The following SORCS2 variants were observed in gnomAD, a reference collection of about 807,000 sequenced individuals.
The protein encoded by SORCS2 is sortilin related VPS10 domain containing receptor 2.
In SORCS2, 100 loss-of-function variants were observed where a neutral mutation model predicts 141.6. The ratio of observed to expected loss-of-function variants is 0.71; its 90% confidence interval spans 0.60 to 0.83. SORCS2 has a LOEUF of 0.83. Ranked by LOEUF, SORCS2 falls within the 40% of genes least tolerant of loss-of-function variation. SORCS2 has a pLI of 0.00. For synonymous variants in SORCS2, 789 were observed against 676.9 expected (o/e 1.17, Z -2.57); for missense variants, 1,646 against 1,560.2 (o/e 1.05, Z -0.93).
chr4:7,415,905 A>G (rs4234804), intron 2 of SORCS2, among the ~76,000 whole-genome samples: 127,299 of 152,228 alleles, frequency 0.84, 54,966 homozygotes, highest in East Asian at 0.98. Context: ...GAAGAGGGCA[A>G]TTGGGCATTT....
intron 2 of SORCS2, among the ~76,000 whole-genome samples, chr4:7,525,920 CCCT>C (rs1354376980): frequency 2.9e-5 from 1 of 33,990 alleles, no homozygotes; most frequent in Non-Finnish European, 6.7e-5. Context: ...GTCACCTGTC[CCCT>C]CCTCACACCT....
chr4:7,296,406 C>T (rs1717056611), intron 1 of SORCS2, among the ~76,000 whole-genome samples: 1 of 152,216 alleles, frequency 6.6e-6, no homozygotes, highest in Non-Finnish European at 1.5e-5. Flanking sequence ...AGCTCTGCCT[C>T]CTCTCCGTAG....
chr4:7,437,632 A>G (rs531622367), intron 2 of SORCS2, among the ~76,000 whole-genome samples: 2 of 152,190 alleles, frequency 1.3e-5, no homozygotes, highest in Non-Finnish European at 2.9e-5. Flanking sequence ...GGGGGTCATT[A>G]TGAATAACGA....
At chr4:7,718,350 C>T (rs2285780) in intron 18 of SORCS2, among the ~76,000 whole-genome samples, 167 bp downstream of exon 18, 18,151 of 152,150 alleles carry the variant, frequency 0.12, 1,415 homozygotes, top group African/African-American at 0.22. Flanking sequence ...GCTGGAAATC[C>T]GCTTCCCGAG....
At position 7,718,175 on chromosome 4, in the gene SORCS2, C is replaced by T; in HGVS notation, c.2416C>T (p.Gln806Ter). ...AGAGGACGTCCTGTTTGTGGTGCGG[C>T]AGGAGCAGGTGAGTGAGCACCTCCC... ...PGEDVLFVVR[Q>*]EQGDVLTTKY... Residue 806 changes from glutamine to a stop codon, truncating the protein, a stop_gained, in exon 18 of 27, where the codon CAG (glutamine) becomes TAG (stop). Coordinates refer to ENST00000507866, the MANE Select transcript of SORCS2 (RefSeq NM_020777.3). LOFTEE classifies it high-confidence loss of function. 2 of 1,610,124 alleles carry T rather than the reference C, an allele frequency of 1.2e-6. No individual in the cohort carries two copies. Among genetic ancestry groups the T allele is most frequent in the African/African-American group, 1.3e-5 (1 of 74,956 alleles).
intron 3 of SORCS2, among the ~76,000 whole-genome samples, chr4:7,612,121 G>A (rs1234924715): frequency 6.6e-6 from 1 of 152,292 alleles, no homozygotes; most frequent in East Asian, 1.9e-4. Context: ...GCTGGAGGCT[G>A]ACGGGCCGAG....
intron 3 of SORCS2, among the ~76,000 whole-genome samples, chr4:7,533,757 T>C (rs1711860300): frequency 6.6e-6 from 1 of 152,216 alleles, no homozygotes; most frequent in South Asian, 2.1e-4. Context: ...CAGACAGAGC[T>C]GCTTCTGCAT....
At chr4:7,195,393 C>G (rs1321706870) in intron 1 of SORCS2, among the ~76,000 whole-genome samples, 1 of 152,132 alleles carries the variant, frequency 6.6e-6, no homozygotes, top group Non-Finnish European at 1.5e-5. Flanking sequence ...CCAGGACACC[C>G]TCATTGTGAG....
At chr4:7,373,476 ATATTTTTTTTTTT>A (rs1345780009) in intron 1 of SORCS2, among the ~76,000 whole-genome samples, 1 of 44,590 alleles carries the variant, frequency 2.2e-5, no homozygotes, top group African/African-American at 1.5e-4. Context: ...ATATATATAT[ATATTTTTTTTTTT>A]TTTTTTTTTT....
At chr4:7,380,482 CAAG>C (rs1301123540) in intron 1 of SORCS2, among the ~76,000 whole-genome samples, 1 of 136,450 alleles carries the variant, frequency 7.3e-6, no homozygotes, top group Non-Finnish European at 1.6e-5. Context: ...AATTCAAATT[CAAG>C]AGAAACTGAG....
intron 7 of SORCS2, among the ~76,000 whole-genome samples, chr4:7,665,174 TC>T (rs1722429303): frequency 6.6e-6 from 1 of 152,158 alleles, no homozygotes; most frequent in African/African-American, 2.4e-5. Flanking sequence ...GGGTGCCCTC[TC>T]CCCAGAAGGG....
Position 7,689,485 on chromosome 4 carries a change from G to A in SORCS2, c.1489-1G>A. ...AGTTGCGTCCTTTCTCTTCCTTGCAGCCAGACTGCCACCTGCACCTGCACC... is the reference window on the plus strand; with the variant it reads ...AGTTGCGTCCTTTCTCTTCCTTGCAACCAGACTGCCACCTGCACCTGCACC... On this transcript the variant is annotated splice_acceptor_variant, in intron 10 of 26. Coordinates refer to ENST00000507866, the MANE Select transcript of SORCS2 (RefSeq NM_020777.3). LOFTEE classifies it high-confidence loss of function. 6.3e-7 allele frequency: 1 copy of A among 1,591,714 alleles called. No homozygotes were observed. Among genetic ancestry groups the A allele is most frequent in the Non-Finnish European group, 8.5e-7 (1 of 1,169,632 alleles).
chr4:7,693,062 G>A (rs1182139472), intron 11 of SORCS2, among the ~76,000 whole-genome samples: 3 of 152,214 alleles, frequency 2.0e-5, no homozygotes, highest in Admixed American at 1.3e-4. Context: ...AGCCCTGGCC[G>A]AGGGTGCCGG....
chr4:7,376,109 G>T (rs1041639703), intron 1 of SORCS2, among the ~76,000 whole-genome samples: 1 of 152,224 alleles, frequency 6.6e-6, no homozygotes, highest in African/African-American at 2.4e-5. Flanking sequence ...AGTGCAGTTG[G>T]TGACAATTGA....
At chr4:7,409,871 C>A (rs1205365518) in intron 2 of SORCS2, among the ~76,000 whole-genome samples, 2 of 152,148 alleles carry the variant, frequency 1.3e-5, no homozygotes, top group Non-Finnish European at 2.9e-5. Flanking sequence ...GGGAGTGAAG[C>A]CAGGTTGCTT....
chr4:7,634,371 C>CAA (rs57071486), intron 3 of SORCS2, among the ~76,000 whole-genome samples: 7 of 135,846 alleles, frequency 5.2e-5, no homozygotes, highest in South Asian at 4.7e-4. Flanking sequence ...GACTGTGTCT[C>CAA]AAAAAAAAAA....
In SORCS2 at chr4:7,666,053, G is replaced by A. The variant is rs150332170; in HGVS notation, c.1072-1071G>A. 4.6e-3 allele frequency among the ~76,000 whole-genome samples: 702 copies of A among 152,234 alleles called. 9 individuals carry two copies. The highest frequency in any genetic ancestry group is 0.015 in the African/African-American group (628 of 41,524). On this transcript the variant is annotated intron_variant, in intron 7 of 26. Transcript: ENST00000507866. The stretch of plus-strand genomic sequence containing the variant: ...CGGGTGTGACTCTGGATTGAGGGAT[G>A]TGAGGAGGTGAGGTCCTGCTAGGAT...
chr4:7,489,333 T>C (rs767666870), intron 2 of SORCS2, among the ~76,000 whole-genome samples: 9 of 152,216 alleles, frequency 5.9e-5, no homozygotes, highest in Admixed American at 2.6e-4. Flanking sequence ...ACTTCCTAAT[T>C]TGTGGCTGCG....
intron 3 of SORCS2, among the ~76,000 whole-genome samples, chr4:7,592,316 C>T (rs115915789): frequency 0.012 from 1,795 of 152,176 alleles, 52 homozygotes; most frequent in African/African-American, 0.041. Context: ...CCAAATAGGC[C>T]GGTTCTACAG....
Sources: allele counts gnomAD v4.1 joint callset (sites outside exome capture counted in the v4.1 genomes callset), GRCh38; gene constraint gnomAD v4.1.1; transcripts MANE v1.5; gene names NCBI Gene and HGNC (gene_info 2026-07-23, HGNC 2026-07-21).